KLC3: variants seen among roughly 807,000 people sequenced by gnomAD.
The protein encoded by KLC3 is kinesin light chain 2.
A neutral mutation model predicts 62.9 loss-of-function variants in KLC3; 72 were observed. The ratio of observed to expected loss-of-function variants is 1.15; its 90% CI spans 0.95 to 1.39. The LOEUF (loss-of-function observed/expected upper bound fraction) is 1.39. Among genes scored for constraint, KLC3 ranks in the 40% most tolerant of loss-of-function variants. KLC3 has a pLI of 0.00. For synonymous variants in KLC3, 377 were observed against 300.5 expected, an observed-to-expected ratio of 1.25 and a Z score of -2.63; for missense variants, 848 against 691.6, an observed-to-expected ratio of 1.23 and a Z score of -2.54.
At chr19:45,347,618 T>TGAG in intron 4 of KLC3, 102 bp downstream of exon 4, 4 of 1,111,196 alleles carry the variant, frequency 3.6e-6, no homozygotes, top group Non-Finnish European at 5.2e-6. Context: ...GATGGGGAGG[T>TGAG]GAGGGCAGGG....
chr19:45,349,013 C>T (rs992580401), intron 7 of KLC3, 92 bp downstream of exon 7: 21 of 1,161,004 alleles, frequency 1.8e-5, no homozygotes, highest in East Asian at 5.1e-5. Flanking sequence ...CCCTGACCCT[C>T]GGGCCCCTTG....
At chr19:45,350,182 G>T (rs1971657810) in intron 8 of KLC3, 159 bp from the exon 9 acceptor site, 1 of 620,874 alleles carries the variant, frequency 1.6e-6, no homozygotes, top group African/African-American at 1.8e-5. Context: ...AACACTTTGG[G>T]AGGCCAAGGC....
At chr19:45,341,186 T>TTGTGTGTG (rs113240301) in intron 1 of KLC3, among the ~76,000 whole-genome samples, 186 of 111,920 alleles carry the variant, frequency 1.7e-3, no homozygotes, top group African/African-American at 5.5e-3. Context: ...CTGCCTGTGT[T>TTGTGTGTG]TGTGTGTGTG....
At chr19:45,340,933 G>A (rs925265418) in intron 1 of KLC3, 87 bp downstream of exon 1, 2 of 152,262 alleles carry the variant, frequency 1.3e-5, no homozygotes, top group Non-Finnish European at 2.9e-5. Flanking sequence ...GCCCTGAGAC[G>A]GGGAAGGGCC....
rs764543395 is a variant in KLC3, at chr19:45,350,544, C to T, written c.1265C>T (p.Ala422Val). The change falls in exon 10 of 13, where the codon GCA becomes GTA. Residue 422 changes from alanine (A) to valine (V), a missense_variant. Physicochemically the swap from Ala to Val is moderately conservative, Grantham distance 64. Transcript: ENST00000391946. The stretch of plus-strand genomic sequence containing the variant: ...CCCAACACAGGCACAGCTGGTGACG[C>T]AGAACAGGTGAGGATGGGCTGTGCT... Reference protein sequence around the residue: ...GAPNTGTAGDAEQALRRSSSL... With the variant: ...GAPNTGTAGDVEQALRRSSSL... The T allele has an allele frequency of 2.5e-6, 4 of 1,613,862 alleles. No homozygotes were observed. Among genetic ancestry groups the T allele is most frequent in the South Asian group, 1.1e-5 (1 of 91,056 alleles).
intron 3 of KLC3, 64 bp downstream of exon 3, chr19:45,346,838 C>CCCTCCTTCGAATCCCACAGTCCCCAAGAT (rs1971508095): frequency 8.8e-7 from 1 of 1,133,160 alleles, no homozygotes; most frequent in African/African-American, 2.0e-5. Flanking sequence ...GTCCCCCAGA[C>CCCTCCTTCGAATCCCACAGTCCCCAAGAT]CCTCCTTAGA....
intron 1 of KLC3, among the ~76,000 whole-genome samples, chr19:45,343,296 A>C (rs1971427330): frequency 6.6e-6 from 1 of 152,004 alleles, no homozygotes; most frequent in African/African-American, 2.4e-5. Context: ...AGACAGAGTT[A>C]GTTTCTGCGT....
intron 1 of KLC3, among the ~76,000 whole-genome samples, chr19:45,344,503 G>A (rs1291789983): frequency 1.3e-5 from 2 of 151,850 alleles, no homozygotes; most frequent in African/African-American, 2.4e-5. Flanking sequence ...ACAGGCGTGA[G>A]CCACTACACC....
rs1568527796 is a variant in KLC3 at position 45,350,674 on chromosome 19, CGTGAGTCT to C, written c.1307_1314del (p.Arg436HisfsTer6). On this transcript the variant is annotated frameshift_variant, in exon 11 of 13. Transcript: ENST00000391946. LOFTEE classifies it high-confidence loss of function. ...CCGCAGCAGCTCACTCTCCAAGATC[CGTGAGTCT>C]ATCAGGCGAGGAAGTGAGAAGCTGG... 2 of 1,613,784 alleles carry C rather than the reference CGTGAGTCT, an allele frequency of 1.2e-6. No individual in the cohort carries two copies. The highest frequency in any genetic ancestry group is 8.5e-7 in the Non-Finnish European group (1 of 1,179,940).
At chr19:45,350,159 C>T (rs972901119) in intron 8 of KLC3, 182 bp from the exon 9 acceptor site, 28 of 599,186 alleles carry the variant, frequency 4.7e-5, no homozygotes, top group African/African-American at 1.7e-4. Flanking sequence ...TGGTGGTTCA[C>T]GCTTGTAACC....
Position 45,350,382 on chromosome 19 carries a change from A to G in KLC3, c.1185A>G (p.Glu395=). 1 of 1,613,778 alleles carries G rather than the reference A, an allele frequency of 6.2e-7. No individual in the cohort carries two copies. Among genetic ancestry groups the G allele is most frequent in the Non-Finnish European group, 8.5e-7 (1 of 1,179,942 alleles). The part of the protein sequence containing the change: ...YLKQNKYQQA[E]ELYKEILHKE... ...AACAGAACAAGTATCAACAAGCGGAAGAGCTGTACAAAGAAATCCTCCACA... is the reference window on the plus strand; with the variant it reads ...AACAGAACAAGTATCAACAAGCGGAGGAGCTGTACAAAGAAATCCTCCACA... The change falls in exon 9 of 13, where the codon GAA becomes GAG. Residue 395 remains glutamate (E), a synonymous_variant. Transcript: ENST00000391946.
chr19:45,343,665 T>G (rs1971433413), intron 1 of KLC3, among the ~76,000 whole-genome samples: 2 of 152,090 alleles, frequency 1.3e-5, no homozygotes, highest in Admixed American at 6.6e-5. Flanking sequence ...AATATACCTG[T>G]GTGTTGGGAG....
chr19:45,342,466 T>G (rs578176576), intron 1 of KLC3, among the ~76,000 whole-genome samples: 28 of 151,882 alleles, frequency 1.8e-4, no homozygotes, highest in African/African-American at 6.5e-4. Context: ...TTTTAAAAAT[T>G]AAAAAAAGGT....
Position 45,349,849 on chromosome 19 carries a change from A to C in KLC3, c.1143+247A>C, listed in dbSNP as rs568340146. On this transcript the variant is annotated intron_variant, in intron 8 of 12. Transcript: ENST00000391946. Reference sequence around the variant, plus strand: ...TGGCAGGCACAGGTGGCAGCAGCAGACATTTATTGAGCTCACTGTGGCCGG... The same window carrying C: ...TGGCAGGCACAGGTGGCAGCAGCAGCCATTTATTGAGCTCACTGTGGCCGG... 58 of 520,594 alleles carry C rather than the reference A, an allele frequency of 1.1e-4. No individual in the cohort carries two copies. The Middle Eastern group carries it at 1.5e-3, about 13-fold the overall frequency. The allele number at this position is 520,594 out of a possible 1,614,324, so 32.2% of individuals were successfully genotyped here.
Position 45,346,637 on chromosome 19 carries a change from T to C in KLC3, c.352T>C (p.Trp118Arg). 6.4e-7 allele frequency: 1 copy of C among 1,554,134 alleles called. No homozygotes were observed. Among genetic ancestry groups the C allele is most frequent in the East Asian group, 2.4e-5 (1 of 41,150 alleles). The part of the protein sequence containing the change: ...QARRLAQENV[W>R]LREELEETQR... ...CCGGCGGCTGGCCCAGGAGAACGTG[T>C]GGCTGCGGGAGGAACTGGAGGAGAC... The change falls in exon 3 of 13, where the codon TGG (tryptophan) becomes CGG (arginine). Residue 118 changes from tryptophan (W) to arginine (R), a missense_variant. Transcript: ENST00000391946.
intron 1 of KLC3, among the ~76,000 whole-genome samples, chr19:45,343,840 CCTTTCTTT>C (rs35251178): frequency 1.3e-5 from 2 of 151,534 alleles, no homozygotes; most frequent in South Asian, 2.1e-4. Flanking sequence ...ATTATGCTGT[CCTTTCTTT>C]CTTTCTTTTT....
chr19:45,342,339 A>G (rs1050665408), intron 1 of KLC3, among the ~76,000 whole-genome samples: 1 of 152,102 alleles, frequency 6.6e-6, no homozygotes, highest in Non-Finnish European at 1.5e-5. Context: ...TAATCTCAAC[A>G]CTTTGGGAGG....
At chr19:45,342,855 C>T (rs924588630) in intron 1 of KLC3, among the ~76,000 whole-genome samples, 3 of 152,138 alleles carry the variant, frequency 2.0e-5, no homozygotes, top group East Asian at 3.9e-4. Context: ...AGATCAATGA[C>T]GATCAAGTCT....
intron 1 of KLC3, among the ~76,000 whole-genome samples, chr19:45,344,375 T>C (rs1183421716): frequency 7.4e-6 from 1 of 135,678 alleles, no homozygotes; most frequent in Non-Finnish European, 1.5e-5. Context: ...CACCATGCTC[T>C]GCTATTTTTT....
Sources: allele counts gnomAD v4.1 joint callset (sites outside exome capture counted in the v4.1 genomes callset), GRCh38; gene constraint gnomAD v4.1.1; transcripts MANE v1.5; gene names NCBI Gene and HGNC (gene_info 2026-07-23, HGNC 2026-07-21).